The following MYO1D variants were observed in gnomAD, a reference collection of about 807,000 sequenced individuals.
The protein encoded by MYO1D is myosin ID, also known as unconventional myosin-Id.
A neutral mutation model predicts 122.0 loss-of-function variants in MYO1D; 83 were observed. The observed-to-expected ratio is 0.68, with a 90% CI of 0.57 to 0.82. The LOEUF is 0.82. Among genes scored for constraint, MYO1D ranks in the 40% least tolerant of loss-of-function variants. The pLI is 0.00. For synonymous variants in MYO1D, 464 were observed against 446.9 expected (o/e 1.04, Z -0.48); for missense variants, 1,157 against 1,269.5 (o/e 0.91, Z 1.35).
rs1481005376 is a variant in MYO1D, at chr17:32,876,977, TA to T, written c.-106del. On this transcript the variant is annotated 5_prime_UTR_variant, in exon 1 of 22. Coordinates refer to ENST00000318217, the MANE Select transcript of MYO1D (RefSeq NM_015194.3). ...CCGGGGCGAGGCCGCGCCGCGAGGCTACGGGGAGGGGGCGCGCACGCCGCTC... is the reference window on the plus strand; with the variant it reads ...CCGGGGCGAGGCCGCGCCGCGAGGCTCGGGGAGGGGGCGCGCACGCCGCTC... 1 of 561,374 alleles carries T rather than the reference TA, an allele frequency of 1.8e-6. No individual in the cohort carries two copies. Among genetic ancestry groups the T allele is most frequent in the Non-Finnish European group, 2.6e-6 (1 of 390,960 alleles). The allele number at this position is 561,374 out of a possible 1,614,324, so 34.8% of individuals were successfully genotyped here. A position where few individuals can be genotyped will look rare whatever the true frequency, so the allele number is the denominator to read the frequency against.
At chr17:32,836,390 C>T (rs184974533) in intron 1 of MYO1D, among the ~76,000 whole-genome samples, 20 of 152,302 alleles carry the variant, frequency 1.3e-4, no homozygotes, top group African/African-American at 4.8e-4. Flanking sequence ...AATTTGGACA[C>T]ATGGATAGTC....
intron 21 of MYO1D, among the ~76,000 whole-genome samples, chr17:32,579,864 A>G (rs2087314110): frequency 6.6e-6 from 1 of 152,222 alleles, no homozygotes. Context: ...TATGGATATA[A>G]CAGTTTGCTT....
chr17:32,767,904 C>G (rs1256258353), intron 6 of MYO1D, 152 bp from the exon 7 acceptor site: 2 of 583,382 alleles, frequency 3.4e-6, no homozygotes, highest in African/African-American at 1.9e-5. Context: ...AATGATTTCA[C>G]GAGTTGCAAC....
intron 20 of MYO1D, among the ~76,000 whole-genome samples, chr17:32,613,959 A>G (rs2087738386): frequency 6.6e-6 from 1 of 151,056 alleles, no homozygotes; most frequent in Non-Finnish European, 1.5e-5. Context: ...TTGCATTTGT[A>G]TTGTTTTTAT....
chr17:32,559,151 A>G (rs2087095252), intron 21 of MYO1D, among the ~76,000 whole-genome samples: 1 of 152,238 alleles, frequency 6.6e-6, no homozygotes, highest in African/African-American at 2.4e-5. Context: ...TGGATCTTGA[A>G]TTTCCTGAAC....
At chr17:32,745,659 T>C (rs2089828017) in intron 12 of MYO1D, 1 of 173,622 alleles carries the variant, frequency 5.8e-6, no homozygotes, top group Non-Finnish European at 1.2e-5. Context: ...TCACTCAGTG[T>C]TGAGGGTAGG....
intron 19 of MYO1D, among the ~76,000 whole-genome samples, chr17:32,649,170 A>T (rs9912502): frequency 0.016 from 2,373 of 152,158 alleles, 57 homozygotes; most frequent in African/African-American, 0.047. Context: ...GTGTTTTTTC[A>T]TTTAAAAAAT....
chr17:32,697,217 C>T (rs2089184484), intron 16 of MYO1D, among the ~76,000 whole-genome samples: 1 of 152,194 alleles, frequency 6.6e-6, no homozygotes, highest in Admixed American at 6.5e-5. Context: ...TTTCATGTTT[C>T]CATTCAGTAA....
At chr17:32,737,763 G>A (rs2089723078) in intron 14 of MYO1D, among the ~76,000 whole-genome samples, 1 of 152,190 alleles carries the variant, frequency 6.6e-6, no homozygotes, top group South Asian at 2.1e-4. Context: ...ACAACACCCA[G>A]GCCAATACGT....
At chr17:32,497,764 A>T (rs1909172838) in intron 21 of MYO1D, 1 of 152,416 alleles carries the variant, frequency 6.6e-6, no homozygotes, top group Admixed American at 6.5e-5. Flanking sequence ...ACCCGAGGCC[A>T]CCACTCTGCT....
chr17:32,511,089 T>TC (rs1389797564), intron 21 of MYO1D, among the ~76,000 whole-genome samples: 1 of 152,050 alleles, frequency 6.6e-6, no homozygotes, highest in Non-Finnish European at 1.5e-5. Context: ...CATCTGACCC[T>TC]CAAGAGGGAA....
At chr17:32,841,310 A>C (rs1284295997) in intron 1 of MYO1D, among the ~76,000 whole-genome samples, 3 of 152,166 alleles carry the variant, frequency 2.0e-5, no homozygotes, top group Admixed American at 6.5e-5. Flanking sequence ...TTTACAAAAA[A>C]TAGAAAAAAT....
At chr17:32,594,643 T>C in intron 21 of MYO1D, 1 of 558,334 alleles carries the variant, frequency 1.8e-6, no homozygotes, top group South Asian at 2.6e-5. Flanking sequence ...TCTATATCTC[T>C]CTTACTGTTA....
intron 1 of MYO1D, among the ~76,000 whole-genome samples, chr17:32,837,590 C>A (rs886458582): frequency 1.3e-5 from 2 of 152,104 alleles, no homozygotes; most frequent in Admixed American, 6.6e-5. Context: ...TATCTAAAAT[C>A]TTTCCTTCAT....
At chr17:32,784,111 A>C (rs1164740493) in intron 1 of MYO1D, among the ~76,000 whole-genome samples, 1 of 152,214 alleles carries the variant, frequency 6.6e-6, no homozygotes, top group Non-Finnish European at 1.5e-5. Flanking sequence ...AGTGAGGAAC[A>C]CTAAGAGTAA....
At position 32,608,187 on chromosome 17, in the gene MYO1D, G is replaced by C. The variant is rs113637497; in HGVS notation, c.2710-2946C>G. Among the ~76,000 whole-genome samples, 712 of 152,302 alleles carry C rather than the reference G, an allele frequency of 4.7e-3. 9 individuals carry two copies. Among genetic ancestry groups the C allele is most frequent in the African/African-American group, 0.017 (686 of 41,564 alleles). On this transcript the variant is annotated intron_variant, in intron 20 of 21. Transcript: ENST00000318217. Reference sequence around the variant, plus strand: ...TGCTCTAAGGAAGACACTGGTGGGAGAGTGAAAAGACTAGCCACAGACTGG... The same window carrying C: ...TGCTCTAAGGAAGACACTGGTGGGACAGTGAAAAGACTAGCCACAGACTGG...
intron 20 of MYO1D, among the ~76,000 whole-genome samples, chr17:32,634,869 C>T (rs531687756): frequency 1.2e-4 from 18 of 152,248 alleles, no homozygotes; most frequent in African/African-American, 3.9e-4. Context: ...CCCAATGACC[C>T]GCCCCAATAT....
intron 1 of MYO1D, among the ~76,000 whole-genome samples, chr17:32,848,574 A>ATGT (rs1239374807): frequency 6.6e-6 from 1 of 152,234 alleles, no homozygotes. Context: ...AATGTTTTGT[A>ATGT]TGTTACAGAG....
At chr17:32,681,927 G>C (rs1263319370) in intron 16 of MYO1D, among the ~76,000 whole-genome samples, 1 of 137,600 alleles carries the variant, frequency 7.3e-6, no homozygotes, top group Non-Finnish European at 1.5e-5. Flanking sequence ...TTATGAATCT[G>C]GGTGCTCCTG....
Sources: gnomAD v4.1 joint callset for allele counts (sites outside exome capture counted in the v4.1 genomes callset) on GRCh38, gnomAD v4.1.1 for gene constraint, MANE v1.5 for transcripts, NCBI Gene and HGNC (gene_info 2026-07-23, HGNC 2026-07-21) for gene names.